Variants in RBFOX2 observed in about 807,000 individuals in gnomAD.
RBFOX2 encodes RNA binding fox-1 homolog 2.
RBFOX2 carries 10 observed loss-of-function variants against 49.1 expected under a neutral mutation model. That is an observed-to-expected ratio of 0.20 (90% CI 0.13 to 0.35). The LOEUF (loss-of-function observed/expected upper bound fraction) is 0.35. Ranked by LOEUF, RBFOX2 falls within the 10% of genes least tolerant of loss-of-function variation. RBFOX2 has a pLI of 1.00. For synonymous variants in RBFOX2, 183 were observed against 187.4 expected (o/e 0.98, Z 0.19); for missense variants, 323 against 486.9 (o/e 0.66, Z 3.17).
At chr22:35,753,014 ACTGT>A (rs1366531963) in intron 9 of RBFOX2, among the ~76,000 whole-genome samples, 1 of 152,242 alleles carries the variant, frequency 6.6e-6, no homozygotes, top group African/African-American at 2.4e-5. Context: ...AGCAGGAATC[ACTGT>A]CTAAGAATGG....
At chr22:35,875,615 T>G (rs1369676086) in intron 1 of RBFOX2, among the ~76,000 whole-genome samples, 1 of 91,930 alleles carries the variant, frequency 1.1e-5, no homozygotes, top group South Asian at 3.5e-4. Flanking sequence ...AGGGTGTGTG[T>G]GTGTGTGTGT....
intron 2 of RBFOX2, among the ~76,000 whole-genome samples, chr22:35,782,251 TTAC>T (rs1481184971): frequency 2.0e-5 from 3 of 152,198 alleles, no homozygotes; most frequent in South Asian, 2.1e-4. Flanking sequence ...AGCTCTAGAG[TTAC>T]TACTACTATG....
intron 9 of RBFOX2, among the ~76,000 whole-genome samples, chr22:35,758,680 A>T (rs1414500117): frequency 6.6e-6 from 1 of 152,238 alleles, no homozygotes; most frequent in Non-Finnish European, 1.5e-5. Context: ...AATGTCTACA[A>T]ACTCCAAACA....
chr22:35,841,290 T>A (rs1958716528), upstream of RBFOX2, among the ~76,000 whole-genome samples: 1 of 152,184 alleles, frequency 6.6e-6, no homozygotes, highest in East Asian at 1.9e-4. Context: ...GTGTCATTAT[T>A]GTAAATAGTA....
chr22:35,952,542 G>T (rs568814417), intron 1 of RBFOX2, among the ~76,000 whole-genome samples: 1 of 152,268 alleles, frequency 6.6e-6, no homozygotes, highest in South Asian at 2.1e-4. Flanking sequence ...ACTTGAAACA[G>T]ATTAGATTCA....
chr22:35,928,689 G>A (rs2149657524), intron 1 of RBFOX2, among the ~76,000 whole-genome samples: 2 of 152,260 alleles, frequency 1.3e-5, no homozygotes, highest in South Asian at 2.1e-4. Context: ...ACAAATATTT[G>A]CAAATTGTAA....
At chr22:35,777,172 T>C (rs373852033) in intron 4 of RBFOX2, among the ~76,000 whole-genome samples, 1 of 151,648 alleles carries the variant, frequency 6.6e-6, no homozygotes, top group East Asian at 1.9e-4. Context: ...CCACCAGGCC[T>C]GGCTAATTTT....
intron 1 of RBFOX2, among the ~76,000 whole-genome samples, chr22:35,987,031 T>C (rs1394568548): frequency 1.3e-5 from 2 of 152,160 alleles, no homozygotes; most frequent in African/African-American, 4.8e-5. Flanking sequence ...CAAACTGTTT[T>C]CATGTATCTT....
At chr22:35,944,756 A>C (rs2149792767) in intron 1 of RBFOX2, among the ~76,000 whole-genome samples, 1 of 152,260 alleles carries the variant, frequency 6.6e-6, no homozygotes, top group Middle Eastern at 3.4e-3. Flanking sequence ...CTGGAAATAC[A>C]CAACAAAGTT....
Position 35,904,547 on chromosome 22 carries a change from A to G in RBFOX2, c.-34+34300T>C, listed in dbSNP as rs576879148. On this transcript the variant is annotated intron_variant, in intron 1 of 13. Transcript: ENST00000359369. Reference sequence around the variant, plus strand: ...AAGGACTCACAGCTTTGCCACAGATACAAACCACAAATAAATGCTGGTAAC... The same window carrying G: ...AAGGACTCACAGCTTTGCCACAGATGCAAACCACAAATAAATGCTGGTAAC... Among the ~76,000 whole-genome samples the G allele has an allele frequency of 6.6e-5, 10 of 152,334 alleles. No homozygotes were observed. In the East Asian group the frequency reaches 1.9e-3, roughly 29 times the overall value.
chr22:35,809,547 G>A (rs577463475), intron 2 of RBFOX2, among the ~76,000 whole-genome samples: 2 of 152,236 alleles, frequency 1.3e-5, no homozygotes, highest in Non-Finnish European at 2.9e-5. Context: ...AAGGAGGCAG[G>A]AGCAGAACAC....
rs2146696535 is a variant in RBFOX2, at chr22:35,769,942, G to C, written c.454-1593C>G. Among the ~76,000 whole-genome samples, 2 of 152,236 alleles carry C rather than the reference G, an allele frequency of 1.3e-5. 1 individual carries two copies. The highest frequency in any genetic ancestry group is 6.8e-3 in the Middle Eastern group (2 of 294). On this transcript the variant is annotated intron_variant, in intron 4 of 11. Transcript: ENST00000405409. ...ACCCTTGAAAGCAAAATGCTAAGCT[G>C]ATAGAGATTTTAAAACGTATGTTGC...
chr22:35,846,330 T>TTGTGTGTGTGTGTGTG (rs35272106), intron 1 of RBFOX2, among the ~76,000 whole-genome samples: 1 of 140,438 alleles, frequency 7.1e-6, no homozygotes, highest in African/African-American at 2.6e-5. Context: ...ATTTATATAG[T>TTGTGTGTGTGTGTGTG]TGTGTGTGTG....
At chr22:36,028,372 G>A (rs985653339) in exon 1 of RBFOX2, 1 of 1,370,312 alleles carries the variant, frequency 7.3e-7, no homozygotes, top group Non-Finnish European at 9.4e-7. Flanking sequence ...TGCCCCGGGC[G>A]GCGGCGCCGG....
chr22:35,840,270 C>T (rs1018866240), exon 1 of RBFOX2: 7 of 1,613,840 alleles, frequency 4.3e-6, no homozygotes, highest in Non-Finnish European at 5.9e-6. Context: ...CTGGGGCACA[C>T]CTCCACAGCT....
chr22:35,978,066 T>C lies in RBFOX2; in HGVS notation c.187-39169A>G, dbSNP rs770244355. Reference sequence around the variant, plus strand: ...ACTGAGGATTCCAGAACATGAGGAGTAGGGTACAGAGGTGGTGGAGTCAGC... The same window carrying C: ...ACTGAGGATTCCAGAACATGAGGAGCAGGGTACAGAGGTGGTGGAGTCAGC... On this transcript the variant is annotated intron_variant, in intron 1 of 13. Transcript: ENST00000438146. 2.0e-5 allele frequency among the ~76,000 whole-genome samples: 3 copies of C among 150,492 alleles called. No homozygotes were observed. In the East Asian group the frequency reaches 5.9e-4, roughly 29 times the overall value.
upstream of RBFOX2, chr22:35,961,743 C>G (rs2056229431): frequency 1.6e-6 from 2 of 1,224,922 alleles, no homozygotes; most frequent in South Asian, 3.0e-5. Context: ...TTTCCGTTCT[C>G]CCCACACCAC....
At chr22:35,825,403 C>A in intron 1 of RBFOX2, among the ~76,000 whole-genome samples, 1 of 147,208 alleles carries the variant, frequency 6.8e-6, no homozygotes, top group Non-Finnish European at 1.5e-5. Context: ...GTCTTCAGGC[C>A]TTCAAATAAA....
In RBFOX2 at chr22:35,904,048, T is replaced by C. The variant is rs552365167; in HGVS notation, c.-34+34799A>G. On this transcript the variant is annotated intron_variant, in intron 1 of 13. Transcript: ENST00000359369. ...TACCATATCTCCTCTCAATCACTAT[T>C]CTAAAGACACTGATTTTGTGTCAAT... Among the ~76,000 whole-genome samples, 3 of 152,278 alleles carry C rather than the reference T, an allele frequency of 2.0e-5. No homozygotes were observed. The East Asian group carries it at 5.8e-4, about 29-fold the overall frequency.
Sources: allele counts gnomAD v4.1 joint callset (sites outside exome capture counted in the v4.1 genomes callset), GRCh38; gene constraint gnomAD v4.1.1; transcripts MANE v1.5; gene names NCBI Gene and HGNC (gene_info 2026-07-23, HGNC 2026-07-21).